UNC5C: variants seen among roughly 807,000 people sequenced by gnomAD.
The protein encoded by UNC5C is netrin receptor UNC5C.
In UNC5C, 47 loss-of-function variants were observed where a neutral mutation model predicts 99.8. That is an observed-to-expected ratio of 0.47 (90% CI 0.37 to 0.60). The LOEUF (loss-of-function observed/expected upper bound fraction) is 0.60. Ranked by LOEUF, UNC5C falls within the 20% of genes least tolerant of loss-of-function variation. The pLI is 0.00. For missense variants in UNC5C, 1,062 were observed against 1,165.9 expected, an observed-to-expected ratio of 0.91 and a Z score of 1.30; for synonymous variants, 487 against 452.2, an observed-to-expected ratio of 1.08 and a Z score of -0.98.
At chr4:95,266,817 G>C (rs939766996) in intron 4 of UNC5C, among the ~76,000 whole-genome samples, 2 of 152,136 alleles carry the variant, frequency 1.3e-5, no homozygotes, top group African/African-American at 4.8e-5. Flanking sequence ...TATCAGCAAA[G>C]ACAGAGAAAT....
chr4:95,291,706 G>C (rs945809329), intron 3 of UNC5C, among the ~76,000 whole-genome samples: 3 of 152,044 alleles, frequency 2.0e-5, no homozygotes, highest in Non-Finnish European at 2.9e-5. Flanking sequence ...CTTGAAATAG[G>C]AATAACCTGA....
At chr4:95,518,010 C>T (rs1722259001) in intron 1 of UNC5C, among the ~76,000 whole-genome samples, 1 of 152,120 alleles carries the variant, frequency 6.6e-6, no homozygotes, top group Admixed American at 6.5e-5. Flanking sequence ...TGCATTAACT[C>T]TAATCATGGA....
At chr4:95,170,354 AAC>A in intron 14 of UNC5C, 22 bp from the exon 15 acceptor site, 1 of 1,610,012 alleles carries the variant, frequency 6.2e-7, no homozygotes, top group African/African-American at 1.3e-5. Flanking sequence ...GGACAGGAAC[AAC>A]ACAGCATTAT....
At position 95,525,596 on chromosome 4, in the gene UNC5C, T is replaced by TAAAAAAAAA. The variant is rs574532435; in HGVS notation, c.124+23129_124+23137dup. The stretch of plus-strand genomic sequence containing the variant: ...ATAGCAGTGTGCAAAGCCTATTTCT[T>TAAAAAAAAA]AAAAAAAAAAAAAAAAAAAAAAGAC... On this transcript the variant is annotated intron_variant, in intron 1 of 15. Transcript: ENST00000453304. Among the ~76,000 whole-genome samples, 424 of 102,096 alleles carry TAAAAAAAAA rather than the reference T, an allele frequency of 4.2e-3. 24 individuals carry two copies. Among genetic ancestry groups the TAAAAAAAAA allele is most frequent in the African/African-American group, 0.014 (348 of 25,258 alleles). The allele number at this position is 102,096 out of a possible 152,430, so 67.0% of individuals were successfully genotyped here.
chr4:95,220,234 A>G, intron 7 of UNC5C, 58 bp from the exon 8 acceptor site: 3 of 1,423,458 alleles, frequency 2.1e-6, no homozygotes, highest in East Asian at 2.6e-5. Flanking sequence ...CACAGTACAC[A>G]TATGTATTGC....
At chr4:95,426,741 A>G in intron 1 of UNC5C, among the ~76,000 whole-genome samples, 1 of 152,226 alleles carries the variant, frequency 6.6e-6, no homozygotes, top group East Asian at 1.9e-4. Context: ...TCTTAAGCAA[A>G]AGCCTAATCT....
At chr4:95,465,606 T>G (rs1045277211) in intron 1 of UNC5C, among the ~76,000 whole-genome samples, 1 of 152,140 alleles carries the variant, frequency 6.6e-6, no homozygotes, top group Non-Finnish European at 1.5e-5. Context: ...AAGGTAGATT[T>G]GCCCATCATT....
intron 1 of UNC5C, among the ~76,000 whole-genome samples, chr4:95,541,682 G>A (rs1722925266): frequency 1.3e-5 from 2 of 151,566 alleles, no homozygotes; most frequent in South Asian, 4.2e-4. Context: ...GAGAAAACCT[G>A]CATTTCTATT....
At chr4:95,308,751 CAAAAAAAAAAAAAAAAAAAAA>C (rs59626139) in intron 2 of UNC5C, among the ~76,000 whole-genome samples, 7 of 34,396 alleles carry the variant, frequency 2.0e-4, no homozygotes, top group Middle Eastern at 0.059. Context: ...GACTCTGTCT[CAAAAAAAAAAAAAAAAAAAAA>C]AAAAAAAAAA....
rs1472615075 is a variant in UNC5C, at chr4:95,365,957, T to A, written c.125-30326A>T. Reference sequence around the variant, plus strand: ...TTCTGAGAAGTTTTTTTTTTTTAAATCAAAATTATAAGCTGTAATATGCTA... The same window carrying A: ...TTCTGAGAAGTTTTTTTTTTTTAAAACAAAATTATAAGCTGTAATATGCTA... On this transcript the variant is annotated intron_variant, in intron 1 of 15. Transcript: ENST00000453304. Among the ~76,000 whole-genome samples, 3 of 151,194 alleles carry A rather than the reference T, an allele frequency of 2.0e-5. No homozygotes were observed. The East Asian group carries it at 5.8e-4, about 29-fold the overall frequency.
chr4:95,261,341 G>A (rs919777554), intron 4 of UNC5C, among the ~76,000 whole-genome samples: 8 of 152,180 alleles, frequency 5.3e-5, no homozygotes, highest in African/African-American at 1.9e-4. Context: ...ACTAGCAGTA[G>A]AATTGGGTGT....
At position 95,371,694 on chromosome 4, in the gene UNC5C, A is replaced by G. The variant is rs371751170; in HGVS notation, c.125-36063T>C. On this transcript the variant is annotated intron_variant, in intron 1 of 15. Transcript: ENST00000453304. ...AAGTTAACATGTGCAAAGCACTGGA[A>G]ACACCAGGGCTACGTAAGTGTTTGT... is the stretch of plus-strand genomic sequence containing the variant. Among the ~76,000 whole-genome samples the G allele has an allele frequency of 1.5e-4, 23 of 152,318 alleles. No individual in the cohort carries two copies. In the South Asian group the frequency reaches 4.1e-3, roughly 27 times the overall value.
intron 1 of UNC5C, among the ~76,000 whole-genome samples, chr4:95,506,969 A>G (rs1721939784): frequency 6.6e-6 from 1 of 151,722 alleles, no homozygotes; most frequent in South Asian, 2.1e-4. Context: ...CAAATAATAA[A>G]TAGTATGTGC....
At chr4:95,212,765 C>CA (rs1042456356) in intron 10 of UNC5C, among the ~76,000 whole-genome samples, 2 of 152,222 alleles carry the variant, frequency 1.3e-5, no homozygotes, top group Non-Finnish European at 2.9e-5. Flanking sequence ...ACAATTGTCA[C>CA]AGTGCCCCAG....
Position 95,300,353 on chromosome 4 carries a change from C to CA in UNC5C, c.490+1252dup, listed in dbSNP as rs529966748. On this transcript the variant is annotated intron_variant, in intron 3 of 15. Coordinates refer to ENST00000453304, the MANE Select transcript of UNC5C (RefSeq NM_003728.4). Reference sequence around the variant, plus strand: ...TGCAATGAAGCTTCTATAACTTTGTCAAAAAATATATTTCTTACATTTATT... The same window carrying CA: ...TGCAATGAAGCTTCTATAACTTTGTCAAAAAAATATATTTCTTACATTTATT... 3.1e-3 allele frequency among the ~76,000 whole-genome samples: 466 copies of CA among 152,208 alleles called. 6 individuals are homozygous for CA. Among genetic ancestry groups the CA allele is most frequent in the African/African-American group, 0.011 (452 of 41,552 alleles).
rs9996606 is a variant in UNC5C, at chr4:95,473,643, C to T, written c.124+75091G>A. Among the ~76,000 whole-genome samples, 4 of 151,966 alleles carry T rather than the reference C, an allele frequency of 2.6e-5. No homozygotes were observed. In the South Asian group the frequency reaches 6.2e-4, roughly 24 times the overall value. On this transcript the variant is annotated intron_variant, in intron 1 of 15. Coordinates refer to ENST00000453304, the MANE Select transcript of UNC5C (RefSeq NM_003728.4). ...TCTTAAGTATCTTATTTGCAAAAAG[C>T]CTATCATAAGATGAAGTTTTATTAG...
At chr4:95,398,003 C>T (rs765074673) in intron 1 of UNC5C, among the ~76,000 whole-genome samples, 5 of 146,998 alleles carry the variant, frequency 3.4e-5, no homozygotes, top group South Asian at 2.2e-4. Context: ...TTTATTGCAC[C>T]CTTGGGACAC....
At position 95,206,730 on chromosome 4, in the gene UNC5C, C is replaced by A. The variant is rs1444433514; in HGVS notation, c.1800G>T (p.Leu600=). Residue 600 remains leucine (L), a synonymous_variant, in exon 11 of 16, where the codon CTG becomes CTT. Transcript: ENST00000453304. ...TAGTGAGGACGACTGGGCGGGTGAG[C>A]AGAGCTCCTGGGGGCCCACAGCTCA... ...PVVSCGPPGA[L]LTRPVVLTMH... is the part of the protein sequence containing the mutation. 6.2e-7 allele frequency: 1 copy of A among 1,613,780 alleles called. No homozygotes were observed. Among genetic ancestry groups the A allele is most frequent in the Non-Finnish European group, 8.5e-7 (1 of 1,179,860 alleles).
At chr4:95,380,569 C>G (rs1313364559) in intron 1 of UNC5C, among the ~76,000 whole-genome samples, 1 of 151,772 alleles carries the variant, frequency 6.6e-6, no homozygotes, top group Non-Finnish European at 1.5e-5. Flanking sequence ...AGCCACCACG[C>G]TTGGCCTACA....
Sources: allele counts gnomAD v4.1 joint callset (sites outside exome capture counted in the v4.1 genomes callset), GRCh38; gene constraint gnomAD v4.1.1; transcripts MANE v1.5; gene names NCBI Gene and HGNC (gene_info 2026-07-23, HGNC 2026-07-21).